Variants in RNGTT observed in about 807,000 individuals in gnomAD.
RNGTT encodes RNA guanylyltransferase and 5'-phosphatase, also known as mRNA-capping enzyme.
Under a neutral mutation model 79.3 loss-of-function variants are expected in RNGTT, and 33 were observed. The observed-to-expected ratio is 0.42, with a 90% CI of 0.32 to 0.56. The LOEUF is 0.56. Ranked by LOEUF, RNGTT falls within the 20% of genes least tolerant of loss-of-function variation. The pLI, the probability that RNGTT is intolerant of heterozygous loss-of-function variation, is 0.17. For synonymous variants in RNGTT, 222 were observed against 235.9 expected, an observed-to-expected ratio of 0.94 and a Z score of 0.54; for missense variants, 497 against 739.1, an observed-to-expected ratio of 0.67 and a Z score of 3.80.
chr6:88,653,734 A>G (rs1773877885), intron 14 of RNGTT, among the ~76,000 whole-genome samples: 1 of 152,212 alleles, frequency 6.6e-6, no homozygotes, highest in Non-Finnish European at 1.5e-5. Context: ...ACAGAAAACA[A>G]AAAACAAAGC....
chr6:88,958,817 T>C (rs1369644289), intron 1 of RNGTT, among the ~76,000 whole-genome samples: 1 of 152,162 alleles, frequency 6.6e-6, no homozygotes, highest in East Asian at 1.9e-4. Flanking sequence ...CTTGAAGAAC[T>C]AGAAGAACTA....
intron 1 of RNGTT, among the ~76,000 whole-genome samples, chr6:88,960,280 AATCACCATCACT>A (rs1390976480): frequency 6.6e-6 from 1 of 152,266 alleles, no homozygotes; most frequent in Non-Finnish European, 1.5e-5. Context: ...ATGACTTCAA[AATCACCATCACT>A]ATCACCATCA....
At chr6:88,736,030 T>A (rs747164936) in intron 13 of RNGTT, among the ~76,000 whole-genome samples, 3 of 152,008 alleles carry the variant, frequency 2.0e-5, no homozygotes, top group Non-Finnish European at 2.9e-5. Flanking sequence ...ATTAAAAGGA[T>A]AATAAAAGAA....
intron 13 of RNGTT, among the ~76,000 whole-genome samples, chr6:88,739,731 A>ATATATATGTATATG (rs1777410946): frequency 6.8e-5 from 1 of 14,764 alleles, no homozygotes; most frequent in Non-Finnish European, 1.6e-4. Flanking sequence ...AAAATTATAT[A>ATATATATGTATATG]TATATATATA....
rs1343684322 is a variant in RNGTT at position 88,686,031 on chromosome 6, TC to T, written c.1440-7613del. ...AAACATAATATATATACATATGTATTCCCCCCAAAATGCAGAAAAATTATTA... is the reference window on the plus strand; with the variant it reads ...AAACATAATATATATACATATGTATTCCCCCAAAATGCAGAAAAATTATTA... On this transcript the variant is annotated intron_variant, in intron 13 of 15. Coordinates refer to ENST00000369485, the MANE Select transcript of RNGTT (RefSeq NM_003800.5). Among the ~76,000 whole-genome samples, 5 of 150,454 alleles carry T rather than the reference TC, an allele frequency of 3.3e-5. 1 individual carries two copies. In the East Asian group the frequency reaches 9.7e-4, roughly 29 times the overall value.
In RNGTT at chr6:88,962,999, C is replaced by A. The variant is rs1226115883; in HGVS notation, c.64+347G>T. 3.9e-5 allele frequency among the ~76,000 whole-genome samples: 6 copies of A among 152,148 alleles called. No homozygotes were observed. In the East Asian group the frequency reaches 5.8e-4, roughly 15 times the overall value. On this transcript the variant is annotated intron_variant, in intron 1 of 15. Transcript: ENST00000369485. ...CCTCCTCCATCTCAATACTGATATT[C>A]ATCCCTTCTTTCGAGGGGAAGGTTG...
intron 14 of RNGTT, among the ~76,000 whole-genome samples, chr6:88,637,398 A>T (rs1332389591): frequency 2.6e-5 from 4 of 152,110 alleles, no homozygotes; most frequent in African/African-American, 9.7e-5. Flanking sequence ...GTTCAGACTG[A>T]ATTGGAAAAG....
chr6:88,719,652 G>T (rs1776638306), intron 13 of RNGTT, among the ~76,000 whole-genome samples: 1 of 152,108 alleles, frequency 6.6e-6, no homozygotes, highest in African/African-American at 2.4e-5. Context: ...CTTGGCTAAA[G>T]AACTCAATTT....
chr6:88,945,276 G>C (rs1323388125), intron 1 of RNGTT, among the ~76,000 whole-genome samples: 4 of 152,186 alleles, frequency 2.6e-5, no homozygotes, highest in African/African-American at 9.7e-5. Flanking sequence ...TAAGAGACTT[G>C]CAACCAAGTA....
rs534475716 is a variant in RNGTT at position 88,898,320 on chromosome 6, A to C, written c.684+6395T>G. 4.6e-5 allele frequency among the ~76,000 whole-genome samples: 7 copies of C among 152,252 alleles called. No homozygotes were observed. In the South Asian group the frequency reaches 6.2e-4, roughly 14 times the overall value. ...CTGTTAAATTGCTCCCTTTAAGTTA[A>C]TTCTAAACTATTTCTCATATTTTAC... On this transcript the variant is annotated intron_variant, in intron 6 of 15. Coordinates refer to ENST00000369485, the MANE Select transcript of RNGTT (RefSeq NM_003800.5).
intron 10 of RNGTT, among the ~76,000 whole-genome samples, chr6:88,845,067 G>C (rs1181422862): frequency 6.6e-6 from 1 of 151,956 alleles, no homozygotes; most frequent in East Asian, 1.9e-4. Context: ...ATATAAATTA[G>C]TTGAAACCCT....
intron 13 of RNGTT, among the ~76,000 whole-genome samples, chr6:88,698,657 TA>T (rs1775840600): frequency 6.6e-6 from 1 of 152,108 alleles, no homozygotes; most frequent in African/African-American, 2.4e-5. Context: ...TAATATATAC[TA>T]AAACTATTTT....
chr6:88,767,699 A>C (rs1016688646), intron 13 of RNGTT, among the ~76,000 whole-genome samples: 2 of 150,308 alleles, frequency 1.3e-5, no homozygotes, highest in Admixed American at 1.3e-4. Flanking sequence ...AAAAAAAAAA[A>C]AAAAACAGCG....
At chr6:88,909,755 G>A (rs538339978) in intron 4 of RNGTT, among the ~76,000 whole-genome samples, 1 of 152,140 alleles carries the variant, frequency 6.6e-6, no homozygotes, top group Non-Finnish European at 1.5e-5. Context: ...GAGCCTATCT[G>A]CCCTTATATT....
intron 4 of RNGTT, among the ~76,000 whole-genome samples, chr6:88,909,171 C>T (rs1050170962): frequency 2.0e-5 from 3 of 152,228 alleles, no homozygotes; most frequent in Non-Finnish European, 4.4e-5. Context: ...CAGGAAGCTC[C>T]GTGGCTTGGA....
intron 14 of RNGTT, among the ~76,000 whole-genome samples, chr6:88,653,515 C>A (rs1773870009): frequency 6.6e-6 from 1 of 151,958 alleles, no homozygotes; most frequent in Non-Finnish European, 1.5e-5. Context: ...AATCTACATT[C>A]CAAATAAAGT....
intron 14 of RNGTT, among the ~76,000 whole-genome samples, chr6:88,676,703 T>C (rs1774888757): frequency 1.3e-5 from 2 of 152,176 alleles, no homozygotes; most frequent in East Asian, 1.9e-4. Flanking sequence ...CCAGAAGATA[T>C]AAAAAATGTT....
intron 8 of RNGTT, among the ~76,000 whole-genome samples, chr6:88,855,560 T>A (rs954164909): frequency 1.2e-4 from 18 of 150,734 alleles, no homozygotes; most frequent in African/African-American, 1.2e-4. Flanking sequence ...TAGAAAAAAA[T>A]TTTTTTAAAG....
At chr6:88,817,258 A>G (rs1174583209) in intron 11 of RNGTT, among the ~76,000 whole-genome samples, 44 of 152,164 alleles carry the variant, frequency 2.9e-4, no homozygotes, top group Admixed American at 2.8e-3. Flanking sequence ...CTAAGTAGGT[A>G]CAGTTATCTC....
Sources: gnomAD v4.1 joint callset for allele counts (sites outside exome capture counted in the v4.1 genomes callset) on GRCh38, gnomAD v4.1.1 for gene constraint, MANE v1.5 for transcripts, NCBI Gene and HGNC (gene_info 2026-07-23, HGNC 2026-07-21) for gene names.